The following XYLB variants were observed in gnomAD, a reference collection of about 807,000 sequenced individuals.
The protein encoded by XYLB is xylulose kinase.
XYLB carries 62 observed loss-of-function variants against 78.7 expected under a neutral mutation model. The observed-to-expected ratio is 0.79, with a 90% CI of 0.64 to 0.97. The LOEUF (loss-of-function observed/expected upper bound fraction) is 0.97, where lower values mean the gene tolerates loss of function less well. Among genes scored for constraint, XYLB ranks in the 50% least tolerant of loss-of-function variants. The probability of loss-of-function intolerance (pLI) is 0.00; values close to 1 mark genes in which losing one functional copy is unlikely to be tolerated. For missense variants in XYLB, 687 were observed against 676.8 expected (o/e 1.02, Z -0.17); for synonymous variants, 245 against 247.4 (o/e 0.99, Z 0.09).
chr3:38,419,865 G>A (rs1281740483), downstream of XYLB, among the ~76,000 whole-genome samples: 1 of 151,828 alleles, frequency 6.6e-6, no homozygotes, highest in African/African-American at 2.4e-5. Flanking sequence ...CTGTCGCCAG[G>A]CTGGAATGCA....
intron 18 of XYLB, among the ~76,000 whole-genome samples, chr3:38,405,568 A>T (rs185081910): frequency 1.3e-3 from 194 of 152,330 alleles, no homozygotes; most frequent in African/African-American, 4.4e-3. Flanking sequence ...GCGCAAGCCG[A>T]AGCAGGGCGA....
At chr3:38,421,983 C>T (rs1480878680), downstream of XYLB, among the ~76,000 whole-genome samples, 1 of 152,166 alleles carries the variant, frequency 6.6e-6, no homozygotes, top group African/African-American at 2.4e-5. Context: ...GGATGCTTGG[C>T]AGTTTCCTGT....
intron 15 of XYLB, among the ~76,000 whole-genome samples, chr3:38,388,169 GT>G (rs71085320): frequency 0.55 from 59,111 of 108,418 alleles, 11,297 homozygotes; most frequent in Middle Eastern, 0.64. Context: ...GTTTTTTTTT[GT>G]TTTTTTTTTT....
chr3:38,362,856 C>T, intron 3 of XYLB, 81 bp from the exon 4 acceptor site: 2 of 1,214,524 alleles, frequency 1.6e-6, no homozygotes, highest in Non-Finnish European at 2.2e-6. Context: ...TAATGGCAGG[C>T]ACTTGCGTTT....
intron 10 of XYLB, among the ~76,000 whole-genome samples, chr3:38,373,211 T>C (rs1369232798): frequency 6.6e-6 from 1 of 152,136 alleles, no homozygotes; most frequent in Non-Finnish European, 1.5e-5. Flanking sequence ...CTTCTCTTCC[T>C]CCTCCTCTCC....
intron 2 of XYLB, among the ~76,000 whole-genome samples, chr3:38,349,645 G>T (rs544297249): frequency 4.9e-4 from 74 of 152,308 alleles, no homozygotes; most frequent in Non-Finnish European, 7.6e-4. Flanking sequence ...TGGAGAGAAA[G>T]ATCATGAGTT....
intron 3 of XYLB, among the ~76,000 whole-genome samples, chr3:38,361,088 C>T (rs1705943853): frequency 1.3e-5 from 2 of 152,208 alleles, no homozygotes; most frequent in Admixed American, 6.5e-5. Flanking sequence ...TCTTAGTGCT[C>T]AGCCTCCAAG....
At chr3:38,365,114 A>G in intron 4 of XYLB, 85 bp from the exon 5 acceptor site, 3 of 1,240,744 alleles carry the variant, frequency 2.4e-6, no homozygotes, top group Non-Finnish European at 2.3e-6. Flanking sequence ...GTTCTTTGGC[A>G]TGTGGTCTGG....
In XYLB at chr3:38,376,966, A is replaced by G. The variant is rs1200186861; in HGVS notation, c.1169A>G (p.His390Arg). 4 of 1,614,022 alleles carry G rather than the reference A, an allele frequency of 2.5e-6. No homozygotes were observed. The highest frequency in any genetic ancestry group is 1.3e-5 in the African/African-American group (1 of 74,916). The change falls in exon 14 of 19, where the codon CAT becomes CGT. Residue 390 changes from histidine (H) to arginine (R), a missense_variant. Physicochemically the swap from His to Arg is conservative, Grantham distance 29. Transcript: ENST00000207870. ...MEITPEIIGR[H>R]RFNTENHKVA... The stretch of plus-strand genomic sequence containing the variant: ...ATCACCCCTGAAATTATTGGACGTC[A>G]TAGGTTTAACACAGAAAACCACAAG...
At chr3:38,440,265 G>A in the XYLB span, among the ~76,000 whole-genome samples, 1 of 152,176 alleles carries the variant, frequency 6.6e-6, no homozygotes. Flanking sequence ...GTAAGTTTGG[G>A]ATTTCAATTA....
At chr3:38,377,375 G>T (rs1369105792) in intron 14 of XYLB, among the ~76,000 whole-genome samples, 1 of 151,302 alleles carries the variant, frequency 6.6e-6, no homozygotes, top group African/African-American at 2.4e-5. Flanking sequence ...AGGTACTAAC[G>T]TTTATTGAGC....
chr3:38,419,199 G>T (rs78014874), downstream of XYLB, among the ~76,000 whole-genome samples: 470 of 152,166 alleles, frequency 3.1e-3, 4 homozygotes, highest in African/African-American at 0.01. Context: ...AATTTTGCAT[G>T]TGTAAAATAG....
chr3:38,382,708 A>G (rs1707207610), intron 15 of XYLB, among the ~76,000 whole-genome samples: 1 of 152,106 alleles, frequency 6.6e-6, no homozygotes. Flanking sequence ...TCAGAAGAGA[A>G]CCCCAGGGAA....
chr3:38,422,595 A>G (rs1559630867), downstream of XYLB, among the ~76,000 whole-genome samples: 3 of 152,192 alleles, frequency 2.0e-5, no homozygotes, highest in Non-Finnish European at 4.4e-5. Flanking sequence ...CCTGAAGTAT[A>G]TCAAAGTATT....
Position 38,372,969 on chromosome 3 carries a change from C to T in XYLB, c.847+233C>T, listed in dbSNP as rs560857471. 1.5e-4 allele frequency among the ~76,000 whole-genome samples: 23 copies of T among 152,280 alleles called. 1 individual carries two copies. In the South Asian group the frequency reaches 3.3e-3, roughly 22 times the overall value. ...CCTTGTACCTGCCCCATCTTAGCTC[C>T]GACTCTGCCCTCAGGAGCTGGTCAG... On this transcript the variant is annotated intron_variant, in intron 10 of 18. Coordinates refer to ENST00000207870, the MANE Select transcript of XYLB (RefSeq NM_005108.4).
At chr3:38,357,039 A>C (rs541777881) in intron 2 of XYLB, 3 of 152,248 alleles carry the variant, frequency 2.0e-5, no homozygotes, top group Admixed American at 6.5e-5. Flanking sequence ...GCCTTGTGAG[A>C]AGGCGGCTGT....
At chr3:38,417,879 C>CAAAAA (rs534465318), downstream of XYLB, among the ~76,000 whole-genome samples, 1 of 91,534 alleles carries the variant, frequency 1.1e-5, no homozygotes, top group African/African-American at 3.9e-5. Context: ...GACTTCATCT[C>CAAAAA]AAAAAAAAAA....
chr3:38,406,592 A>G (rs1409058393), intron 18 of XYLB, among the ~76,000 whole-genome samples: 1 of 152,234 alleles, frequency 6.6e-6, no homozygotes, highest in Non-Finnish European at 1.5e-5. Context: ...TCTGAGCTAC[A>G]GGAGGAAATT....
chr3:38,379,758 C>T (rs748805482), intron 15 of XYLB, among the ~76,000 whole-genome samples: 3 of 152,186 alleles, frequency 2.0e-5, no homozygotes, highest in Non-Finnish European at 4.4e-5. Context: ...GGGACACAGT[C>T]TGGGTCTTTC....
Sources: gnomAD v4.1 joint callset for allele counts (sites outside exome capture counted in the v4.1 genomes callset) on GRCh38, gnomAD v4.1.1 for gene constraint, MANE v1.5 for transcripts, NCBI Gene and HGNC (gene_info 2026-07-23, HGNC 2026-07-21) for gene names.